The following NELL2 variants were observed in gnomAD, a reference collection of about 807,000 sequenced individuals.
The protein encoded by NELL2 is protein kinase C-binding protein NELL2.
A neutral mutation model predicts 109.6 loss-of-function variants in NELL2; 41 were observed. The ratio of observed to expected loss-of-function variants is 0.37; its 90% CI spans 0.29 to 0.49. The LOEUF is 0.49. Ranked by LOEUF, NELL2 falls within the 20% of genes least tolerant of loss-of-function variation. The pLI is 0.98. For missense variants in NELL2, 900 were observed against 1,008.3 expected, an observed-to-expected ratio of 0.89 and a Z score of 1.45; for synonymous variants, 355 against 344.7, an observed-to-expected ratio of 1.03 and a Z score of -0.33.
At chr12:44,915,577 T>A (rs1274541070), upstream of NELL2, among the ~76,000 whole-genome samples, 1 of 152,176 alleles carries the variant, frequency 6.6e-6, no homozygotes, top group African/African-American at 2.4e-5. Context: ...TGCTGGTGAC[T>A]GGCAAGACAT....
At chr12:44,725,275 T>A (rs1939012276) in intron 9 of NELL2, among the ~76,000 whole-genome samples, 1 of 152,176 alleles carries the variant, frequency 6.6e-6, no homozygotes, top group African/African-American at 2.4e-5. Flanking sequence ...AAGTGGGATC[T>A]AACTAAACTT....
chr12:44,646,773 T>TA (rs1947111052), intron 13 of NELL2, among the ~76,000 whole-genome samples: 2 of 152,192 alleles, frequency 1.3e-5, no homozygotes, highest in South Asian at 4.1e-4. Context: ...GAATGGAGTT[T>TA]ACAAATCACT....
At chr12:44,772,749 T>C (rs527591275) in intron 9 of NELL2, among the ~76,000 whole-genome samples, 16 of 152,216 alleles carry the variant, frequency 1.1e-4, no homozygotes, top group African/African-American at 3.9e-4. Flanking sequence ...GCTTAATACT[T>C]ATTATTTTTT....
rs1169491707 is a variant in NELL2, at chr12:44,681,880, G to A, written c.1319-16271C>T. Among the ~76,000 whole-genome samples the A allele has an allele frequency of 4.4e-4, 67 of 151,578 alleles. No homozygotes were observed. The East Asian group carries it at 0.012, about 28-fold the overall frequency. On this transcript the variant is annotated intron_variant, in intron 12 of 19. Transcript: ENST00000429094. ...GTGAATAATGCCGCAATAAACATAC[G>A]TGTGCATGTGTCTTTATAGCAGCAT...
chr12:44,882,803 C>T (rs985152172), intron 1 of NELL2, among the ~76,000 whole-genome samples: 1 of 147,642 alleles, frequency 6.8e-6, no homozygotes. Flanking sequence ...GCTGGGATTA[C>T]AGGCGTGAGC....
intron 15 of NELL2, among the ~76,000 whole-genome samples, chr12:44,601,638 C>G (rs1945226076): frequency 6.6e-6 from 1 of 152,114 alleles, no homozygotes; most frequent in Admixed American, 6.5e-5. Context: ...ACAGTTCTGT[C>G]TATAAAAGTT....
intron 3 of NELL2, among the ~76,000 whole-genome samples, chr12:44,791,623 G>A (rs1294779556): frequency 7.0e-6 from 1 of 142,388 alleles, no homozygotes; most frequent in Non-Finnish European, 1.5e-5. Context: ...CTGATATGGA[G>A]TTTTGAAAAA....
chr12:44,648,596 CATA>C (rs1275036388), intron 13 of NELL2, among the ~76,000 whole-genome samples: 1 of 150,940 alleles, frequency 6.6e-6, no homozygotes, highest in Non-Finnish European at 1.5e-5. Flanking sequence ...AAATTGAGGT[CATA>C]ATGAAGAGGT....
At chr12:44,531,086 C>T (rs1253187164) in intron 16 of NELL2, among the ~76,000 whole-genome samples, 7 of 152,144 alleles carry the variant, frequency 4.6e-5, no homozygotes, top group Non-Finnish European at 7.3e-5. Flanking sequence ...TTTTTCTACT[C>T]ACATCCAGAT....
chr12:44,555,897 A>G (rs1336629120), intron 15 of NELL2, among the ~76,000 whole-genome samples: 1 of 152,182 alleles, frequency 6.6e-6, no homozygotes. Context: ...TCTAGGCACC[A>G]GGCACCAGAG....
At chr12:44,576,950 G>A (rs1944112013) in intron 15 of NELL2, among the ~76,000 whole-genome samples, 1 of 143,118 alleles carries the variant, frequency 7.0e-6, no homozygotes, top group African/African-American at 2.7e-5. Context: ...TATCATTGTT[G>A]GACATTTGGG....
At chr12:44,714,532 G>C in intron 10 of NELL2, 118 bp downstream of exon 10, 1 of 591,328 alleles carries the variant, frequency 1.7e-6, no homozygotes, top group Non-Finnish European at 3.0e-6. Flanking sequence ...TTAATATTGT[G>C]AATTTTCTCT....
At chr12:44,875,037 G>A in intron 2 of NELL2, 188 bp downstream of exon 2, 2 of 675,040 alleles carry the variant, frequency 3.0e-6, no homozygotes, top group Non-Finnish European at 4.8e-6. Flanking sequence ...CGAAGGAGAA[G>A]GGTGAGGCAG....
intron 3 of NELL2, among the ~76,000 whole-genome samples, chr12:44,813,425 T>C (rs1043170303): frequency 2.6e-5 from 4 of 152,174 alleles, no homozygotes; most frequent in Non-Finnish European, 4.4e-5. Flanking sequence ...ATTTCCTAGA[T>C]AAATTCATAG....
At chr12:44,679,812 A>G (rs746423130) in intron 12 of NELL2, among the ~76,000 whole-genome samples, 6 of 152,076 alleles carry the variant, frequency 3.9e-5, no homozygotes, top group Admixed American at 6.6e-5. Flanking sequence ...AATTGGAGTC[A>G]CATCTCAAAG....
Position 44,668,316 on chromosome 12 carries a change from C to T in NELL2, c.1319-2707G>A, listed in dbSNP as rs776837475. Among the ~76,000 whole-genome samples the T allele has an allele frequency of 4.6e-5, 7 of 152,254 alleles. No homozygotes were observed. The South Asian group carries it at 8.3e-4, about 18-fold the overall frequency. ...TGCCCAGGGTCACTGCCAATGACAA[C>T]GATCCTGCCCTCTCCAGCAGCAGGG... On this transcript the variant is annotated intron_variant, in intron 12 of 19. Coordinates refer to ENST00000429094, the MANE Select transcript of NELL2 (RefSeq NM_001145108.2).
intron 12 of NELL2, 34 bp from the exon 13 acceptor site, chr12:44,665,643 T>C: frequency 6.3e-7 from 1 of 1,588,850 alleles, no homozygotes; most frequent in Non-Finnish European, 8.6e-7. Flanking sequence ...AGGTCAACAG[T>C]GGGCAATATT....
intron 15 of NELL2, among the ~76,000 whole-genome samples, chr12:44,558,983 G>T (rs1943364526): frequency 6.6e-6 from 1 of 152,154 alleles, no homozygotes; most frequent in Admixed American, 6.5e-5. Context: ...CTCGAGCTTG[G>T]TGGGGATAGG....
At chr12:44,714,048 T>C (rs1938354234) in intron 10 of NELL2, among the ~76,000 whole-genome samples, 1 of 151,952 alleles carries the variant, frequency 6.6e-6, no homozygotes, top group African/African-American at 2.4e-5. Context: ...CATTATAATT[T>C]ACAAAAGACA....
Sources: allele counts gnomAD v4.1 joint callset (sites outside exome capture counted in the v4.1 genomes callset), GRCh38; gene constraint gnomAD v4.1.1; transcripts MANE v1.5; gene names NCBI Gene and HGNC (gene_info 2026-07-23, HGNC 2026-07-21).